NCEH1: variants seen among roughly 807,000 people sequenced by gnomAD.
NCEH1 encodes 2-acetyl MAGE hydrolase.
Under a neutral mutation model 25.4 loss-of-function variants are expected in NCEH1, and 9 were observed. The observed-to-expected ratio is 0.35, with a 90% confidence interval of 0.21 to 0.62. NCEH1 has a LOEUF of 0.62. NCEH1 is among the 20% of genes least tolerant of loss of function. The probability of loss-of-function intolerance (pLI) is 0.72; values close to 1 mark genes in which losing one functional copy is unlikely to be tolerated. For missense variants in NCEH1, 412 were observed against 501.1 expected (o/e 0.82, Z 1.70); for synonymous variants, 200 against 199.8 (o/e 1.00, Z -0.01).
intron 1 of NCEH1, chr3:172,680,827 C>G (rs958559899): frequency 2.6e-5 from 4 of 152,216 alleles, no homozygotes; most frequent in African/African-American, 7.2e-5. Flanking sequence ...AGTGGTCAGA[C>G]AGCAGAGTGC....
At chr3:172,651,231 G>A (rs1717390836) in intron 1 of NCEH1, among the ~76,000 whole-genome samples, 1 of 152,236 alleles carries the variant, frequency 6.6e-6, no homozygotes, top group South Asian at 2.1e-4. Context: ...TTGAGGGGCT[G>A]CAGGACTTAC....
At chr3:172,651,563 CTT>C (rs35448757) in intron 1 of NCEH1, among the ~76,000 whole-genome samples, 5 of 144,160 alleles carry the variant, frequency 3.5e-5, no homozygotes, top group African/African-American at 5.1e-5. Flanking sequence ...TTTGGAGAAT[CTT>C]TTTTTTTTTT....
intron 3 of NCEH1, among the ~76,000 whole-genome samples, chr3:172,639,702 T>C (rs963021023): frequency 1.3e-5 from 2 of 152,200 alleles, no homozygotes; most frequent in African/African-American, 4.8e-5. Context: ...AGGATGACTC[T>C]GCAATGACAA....
chr3:172,660,781 G>A (rs540361218), intron 1 of NCEH1, among the ~76,000 whole-genome samples: 1 of 152,340 alleles, frequency 6.6e-6, no homozygotes, highest in African/African-American at 2.4e-5. Context: ...CTTACTGTGA[G>A]AAGTGTCTGT....
At chr3:172,639,296 CAAA>C (rs534734447) in intron 3 of NCEH1, among the ~76,000 whole-genome samples, 4 of 95,206 alleles carry the variant, frequency 4.2e-5, no homozygotes. Context: ...GGCTCCGTCT[CAAA>C]AAAAAAAAAA....
intron 2 of NCEH1, 88 bp from the exon 3 acceptor site, chr3:172,645,780 G>T: frequency 1.4e-6 from 1 of 726,046 alleles, no homozygotes; most frequent in Non-Finnish European, 2.2e-6. Flanking sequence ...ATTGTTTTTA[G>T]GCTTGGAGCT....
chr3:172,693,103 A>G (rs1225912864), intron 1 of NCEH1, among the ~76,000 whole-genome samples: 4 of 152,184 alleles, frequency 2.6e-5, no homozygotes, highest in Non-Finnish European at 4.4e-5. Context: ...AGCCCTCAGC[A>G]TATTTGTTTG....
At chr3:172,669,541 A>C (rs1711509248) in intron 1 of NCEH1, among the ~76,000 whole-genome samples, 1 of 152,160 alleles carries the variant, frequency 6.6e-6, no homozygotes, top group African/African-American at 2.4e-5. Flanking sequence ...AATAATAGCC[A>C]TTTTAGTGGT....
chr3:172,698,627 A>G (rs971148626), intron 1 of NCEH1, among the ~76,000 whole-genome samples: 1 of 152,260 alleles, frequency 6.6e-6, no homozygotes, highest in Non-Finnish European at 1.5e-5. Flanking sequence ...GCAGATGACT[A>G]TCAAATGTGG....
chr3:172,657,113 T>A (rs1349896654), intron 1 of NCEH1, among the ~76,000 whole-genome samples: 1 of 152,216 alleles, frequency 6.6e-6, no homozygotes, highest in Non-Finnish European at 1.5e-5. Flanking sequence ...AAAGTTCCAT[T>A]TTTTATTTCA....
intron 3 of NCEH1, among the ~76,000 whole-genome samples, chr3:172,640,593 T>C (rs549261855): frequency 3.3e-5 from 5 of 152,104 alleles, no homozygotes; most frequent in Admixed American, 2.0e-4. Flanking sequence ...CTGCAAGCTC[T>C]GCCTCCCAGG....
At position 172,633,536 on chromosome 3, in the gene NCEH1, T is replaced by C. The variant is rs771167724; in HGVS notation, c.1166A>G (p.Asn389Ser). 5.0e-6 allele frequency: 8 copies of C among 1,613,936 alleles called. No individual in the cohort carries two copies. The highest frequency in any genetic ancestry group is 2.7e-5 in the African/African-American group (2 of 74,878). ...GCMIFTSWPTNFSVGIRTRNS... is the reference protein window; with the variant it reads ...GCMIFTSWPTSFSVGIRTRNS... ...CCTAGTCCGGATTCCCACTGAGAAGTTGGTGGGCCAGCTAGTGAAAATCAT... is the reference window on the plus strand; with the variant it reads ...CCTAGTCCGGATTCCCACTGAGAAGCTGGTGGGCCAGCTAGTGAAAATCAT... Residue 389 changes from asparagine (N) to serine (S), a missense_variant, in exon 5 of 5, where the codon AAC becomes AGC. Physicochemically the swap from Asn to Ser is conservative, Grantham distance 46 (BLOSUM62 1). This residue lies in a region of NCEH1 where 210 missense variants were observed against 258.2 expected (regional missense o/e 0.81). Coordinates refer to ENST00000475381, the MANE Select transcript of NCEH1 (RefSeq NM_020792.6).
At chr3:172,687,016 GCATCTCCTGAA>G (rs549173441) in intron 1 of NCEH1, among the ~76,000 whole-genome samples, 92 of 152,248 alleles carry the variant, frequency 6.0e-4, no homozygotes, top group Middle Eastern at 6.8e-3. Flanking sequence ...TTCTGTTTGG[GCATCTCCTGAA>G]CAACTGTACA....
intron 1 of NCEH1, among the ~76,000 whole-genome samples, chr3:172,667,333 CGGGGCATAATAGCA>C (rs1560193328): frequency 6.6e-6 from 1 of 152,170 alleles, no homozygotes; most frequent in African/African-American, 2.4e-5. Flanking sequence ...TGCTTTAGCA[CGGGGCATAATAGCA>C]GGCAATCTAG....
chr3:172,696,609 T>C (rs1713390098), intron 1 of NCEH1, among the ~76,000 whole-genome samples: 1 of 152,248 alleles, frequency 6.6e-6, no homozygotes. Context: ...TTATGTCCTC[T>C]GTTCAAGGTC....
intron 1 of NCEH1, among the ~76,000 whole-genome samples, chr3:172,704,067 A>C (rs1473755329): frequency 6.7e-6 from 1 of 149,884 alleles, no homozygotes; most frequent in Non-Finnish European, 1.5e-5. Context: ...TGACAATAGT[A>C]AATATTCCAG....
chr3:172,682,720 T>G (rs1712453598), intron 1 of NCEH1, among the ~76,000 whole-genome samples: 1 of 152,040 alleles, frequency 6.6e-6, no homozygotes, highest in Non-Finnish European at 1.5e-5. Context: ...TAGTGTCTAT[T>G]TAGGAAAAAC....
rs536133889 is a variant in NCEH1 at position 172,655,155 on chromosome 3, G to A, written c.139-7041C>T. On this transcript the variant is annotated intron_variant, in intron 1 of 4. Transcript: ENST00000475381. ...CTGAAACCTCTTTAGAAGTAGCTGG[G>A]AAATCCAGGAACACACAGAATTGTG... Among the ~76,000 whole-genome samples, 33 of 152,292 alleles carry A rather than the reference G, an allele frequency of 2.2e-4. No homozygotes were observed. The South Asian group carries it at 6.6e-3, about 31-fold the overall frequency.
chr3:172,666,511 G>T (rs539178274), intron 1 of NCEH1, among the ~76,000 whole-genome samples: 5 of 152,202 alleles, frequency 3.3e-5, no homozygotes, highest in African/African-American at 1.2e-4. Flanking sequence ...TGGGGGAGCT[G>T]TTTTCTTCTT....
Sources: gnomAD v4.1 joint callset for allele counts (sites outside exome capture counted in the v4.1 genomes callset) on GRCh38, gnomAD v4.1.1 for gene constraint, gnomAD v4.1.1 regional missense constraint, MANE v1.5 for transcripts, NCBI Gene and HGNC (gene_info 2026-07-23, HGNC 2026-07-21) for gene names.